The following ARHGAP20 variants were observed in gnomAD, a reference collection of about 807,000 sequenced individuals.
The protein encoded by ARHGAP20 is Rho GTPase activating protein 20.
In ARHGAP20, 34 loss-of-function variants were observed where a neutral mutation model predicts 73.7. That is an observed-to-expected ratio of 0.46 (90% CI 0.35 to 0.61). The LOEUF is 0.61. ARHGAP20 is among the 20% of genes least tolerant of loss of function. ARHGAP20 has a pLI of 0.00. For missense variants in ARHGAP20, 1,314 were observed against 1,420.9 expected (o/e 0.92, Z 1.21); for synonymous variants, 523 against 518.2 (o/e 1.01, Z -0.13).
intron 2 of ARHGAP20, among the ~76,000 whole-genome samples, chr11:110,648,240 A>AATATATATATGTATAT (rs1949264792): frequency 1.1e-5 from 1 of 92,714 alleles, no homozygotes; most frequent in Non-Finnish European, 2.3e-5. Flanking sequence ...TATATATGTA[A>AATATATATATGTATAT]ATATATATAT....
At chr11:110,711,624 C>A in intron 1 of ARHGAP20, 1 of 1,486,414 alleles carries the variant, frequency 6.7e-7, no homozygotes, top group Non-Finnish European at 8.9e-7. Context: ...GGTGAGGGGG[C>A]CGAGCCCACC....
intron 9 of ARHGAP20, among the ~76,000 whole-genome samples, chr11:110,597,661 T>G (rs928508797): frequency 6.6e-6 from 1 of 152,148 alleles, no homozygotes; most frequent in Admixed American, 6.5e-5. Flanking sequence ...CTTTCACACA[T>G]TTAAGAACAA....
chr11:110,629,489 T>TC (rs1177233534), intron 3 of ARHGAP20, among the ~76,000 whole-genome samples: 3 of 152,204 alleles, frequency 2.0e-5, no homozygotes, highest in Admixed American at 2.0e-4. Flanking sequence ...ACTTAGAGCT[T>TC]CAAGTGGACC....
At chr11:110,605,244 G>A (rs2134871906) in intron 9 of ARHGAP20, among the ~76,000 whole-genome samples, 1 of 152,226 alleles carries the variant, frequency 6.6e-6, no homozygotes, top group East Asian at 1.9e-4. Context: ...AGAAGCAGAA[G>A]GAATCTGGGC....
chr11:110,628,221 G>T (rs922430098), intron 3 of ARHGAP20, among the ~76,000 whole-genome samples: 2 of 152,046 alleles, frequency 1.3e-5, no homozygotes, highest in Admixed American at 1.3e-4. Context: ...GGAACCTAAG[G>T]TCCCCTCCTT....
intron 11 of ARHGAP20, chr11:110,589,314 T>G: frequency 7.1e-5 from 58 of 814,938 alleles, no homozygotes; most frequent in Non-Finnish European, 8.3e-5. Flanking sequence ...TTCTCTTGCA[T>G]GATATCTAAT....
intron 2 of ARHGAP20, among the ~76,000 whole-genome samples, chr11:110,688,285 G>A (rs142614807): frequency 1.9e-3 from 250 of 131,680 alleles, no homozygotes; most frequent in African/African-American, 7.0e-3. Context: ...TCCTCCCCCC[G>A]CCCCCAATGT....
chr11:110,706,102 A>G (rs1287574389), intron 1 of ARHGAP20, among the ~76,000 whole-genome samples: 1 of 152,078 alleles, frequency 6.6e-6, no homozygotes, highest in African/African-American at 2.4e-5. Flanking sequence ...TAGAAATGCC[A>G]CTCTCCAAAG....
intron 2 of ARHGAP20, among the ~76,000 whole-genome samples, chr11:110,686,336 T>C (rs1950131416): frequency 6.6e-6 from 1 of 152,056 alleles, no homozygotes; most frequent in East Asian, 1.9e-4. Context: ...CTAATACATC[T>C]ATATTTAAAT....
chr11:110,712,294 C>A lies in ARHGAP20; in HGVS notation c.-63G>T. The A allele has an allele frequency of 8.1e-7, 1 of 1,237,466 alleles. No homozygotes were observed. Among genetic ancestry groups the A allele is most frequent in the Non-Finnish European group, 1.0e-6 (1 of 973,760 alleles). 76.7% of individuals were successfully genotyped at this position (1,237,466 alleles called of 1,614,324 possible). A position where few individuals can be genotyped will look rare whatever the true frequency, so the allele number is the denominator to read the frequency against. The stretch of plus-strand genomic sequence containing the variant: ...GCTACACGATCATGTCCGCGGGCTG[C>A]CGGCCGGAGGGGCGAGGACGCGCGG... On this transcript the variant is annotated 5_prime_UTR_variant, in exon 1 of 15. Transcript: ENST00000683387.
At position 110,578,599 on chromosome 11, in the gene ARHGAP20, T is replaced by C. The variant is rs1947348382; in HGVS notation, c.*771A>G. On this transcript the variant is annotated 3_prime_UTR_variant, in exon 15 of 15. Coordinates refer to ENST00000683387, the MANE Select transcript of ARHGAP20 (RefSeq NM_001384657.1). ...TCTGAAGAATGTTCCTAGGCAGAGA[T>C]ACCTTTGAAAGGGTACTGAAATGGG... 2 of 985,330 alleles carry C rather than the reference T, an allele frequency of 2.0e-6. No homozygotes were observed. Among genetic ancestry groups the C allele is most frequent in the Admixed American group, 6.1e-5 (1 of 16,268 alleles). 61.0% of individuals were successfully genotyped at this position (985,330 alleles called of 1,614,324 possible).
intron 2 of ARHGAP20, among the ~76,000 whole-genome samples, chr11:110,647,251 G>A (rs545311635): frequency 2.0e-5 from 3 of 152,130 alleles, no homozygotes; most frequent in East Asian, 1.9e-4. Context: ...CTTAGATATC[G>A]AAATGGGGAT....
intron 2 of ARHGAP20, among the ~76,000 whole-genome samples, chr11:110,657,852 G>A (rs1949500804): frequency 6.6e-6 from 1 of 151,122 alleles, no homozygotes; most frequent in Admixed American, 6.6e-5. Flanking sequence ...CCAAGATCGT[G>A]CCACTGCACT....
chr11:110,597,784 A>C (rs1211675583), intron 9 of ARHGAP20, among the ~76,000 whole-genome samples: 2 of 152,230 alleles, frequency 1.3e-5, no homozygotes, highest in East Asian at 3.8e-4. Context: ...CATGCCTTTT[A>C]TTATATATAC....
intron 1 of ARHGAP20, among the ~76,000 whole-genome samples, chr11:110,703,297 C>T (rs1950492167): frequency 6.6e-6 from 1 of 152,106 alleles, no homozygotes; most frequent in African/African-American, 2.4e-5. Flanking sequence ...CGAAGGACTA[C>T]TACCATGTTG....
chr11:110,611,068 T>C (rs1948355980), intron 7 of ARHGAP20, among the ~76,000 whole-genome samples: 1 of 152,098 alleles, frequency 6.6e-6, no homozygotes, highest in Non-Finnish European at 1.5e-5. Flanking sequence ...TATTGTCACT[T>C]TAAAATTATA....
chr11:110,712,076 C>A, intron 1 of ARHGAP20, 51 bp downstream of exon 1: 8 of 1,256,294 alleles, frequency 6.4e-6, no homozygotes, highest in Non-Finnish European at 8.0e-6. Flanking sequence ...CGCGCGCCGG[C>A]AGTGGGGGCT....
intron 2 of ARHGAP20, among the ~76,000 whole-genome samples, chr11:110,666,676 A>T (rs1426675247): frequency 6.6e-6 from 1 of 152,188 alleles, no homozygotes; most frequent in East Asian, 1.9e-4. Flanking sequence ...ACAGCATATG[A>T]TCACTTCACA....
chr11:110,628,549 AAT>A (rs1381978113), intron 3 of ARHGAP20, among the ~76,000 whole-genome samples: 1 of 152,156 alleles, frequency 6.6e-6, no homozygotes, highest in African/African-American at 2.4e-5. Flanking sequence ...CATCATCTCA[AAT>A]ATCTATGTTC....
Sources: allele counts gnomAD v4.1 joint callset (sites outside exome capture counted in the v4.1 genomes callset), GRCh38; gene constraint gnomAD v4.1.1; transcripts MANE v1.5; gene names NCBI Gene and HGNC (gene_info 2026-07-23, HGNC 2026-07-21).